The following ATRNL1 variants were observed in gnomAD, a reference collection of about 807,000 sequenced individuals.
ATRNL1 encodes the protein attractin-like protein 1.
A neutral mutation model predicts 182.7 loss-of-function variants in ATRNL1; 95 were observed. The observed-to-expected ratio is 0.52, with a 90% CI of 0.44 to 0.62. The LOEUF (loss-of-function observed/expected upper bound fraction) is 0.62, where lower values mean the gene tolerates loss of function less well. Among genes scored for constraint, ATRNL1 ranks in the 20% least tolerant of loss-of-function variants. The pLI, the probability that ATRNL1 is intolerant of heterozygous loss-of-function variation, is 0.00. For missense variants in ATRNL1, 1,471 were observed against 1,679.5 expected, an observed-to-expected ratio of 0.88 and a Z score of 2.17; for synonymous variants, 576 against 568.3, an observed-to-expected ratio of 1.01 and a Z score of -0.19.
At chr10:115,665,906 AAAT>A (rs1860971537) in intron 26 of ATRNL1, among the ~76,000 whole-genome samples, 1 of 152,156 alleles carries the variant, frequency 6.6e-6, no homozygotes, top group Non-Finnish European at 1.5e-5. Flanking sequence ...CAGACTCATT[AAAT>A]GTTAAGGATT....
chr10:115,490,133 C>T (rs1230937781), intron 24 of ATRNL1, among the ~76,000 whole-genome samples: 1 of 152,114 alleles, frequency 6.6e-6, no homozygotes, highest in Non-Finnish European at 1.5e-5. Context: ...GTAACCCGAC[C>T]TTTCTCTCTG....
intron 25 of ATRNL1, among the ~76,000 whole-genome samples, chr10:115,537,195 T>C (rs1302606243): frequency 2.0e-5 from 3 of 152,332 alleles, no homozygotes; most frequent in African/African-American, 7.2e-5. Flanking sequence ...TGGTACGTTT[T>C]CTTGCAACTT....
intron 3 of ATRNL1, among the ~76,000 whole-genome samples, chr10:115,122,382 A>T (rs1554871928): frequency 2.0e-5 from 3 of 151,764 alleles, no homozygotes; most frequent in Non-Finnish European, 4.4e-5. Flanking sequence ...TTTCTTGTGT[A>T]TGTTTAGATT....
At chr10:115,672,373 T>C (rs1555041680) in intron 26 of ATRNL1, among the ~76,000 whole-genome samples, 1 of 152,110 alleles carries the variant, frequency 6.6e-6, no homozygotes, top group Non-Finnish European at 1.5e-5. Context: ...ATTGTATTCC[T>C]TTTGAAAGAA....
At chr10:115,913,732 G>C (rs1952756386) in intron 28 of ATRNL1, among the ~76,000 whole-genome samples, 1 of 152,170 alleles carries the variant, frequency 6.6e-6, no homozygotes, top group African/African-American at 2.4e-5. Flanking sequence ...GACAATGTCA[G>C]CCTGTGCAGA....
intron 27 of ATRNL1, among the ~76,000 whole-genome samples, chr10:115,743,372 C>G (rs1161669950): frequency 6.6e-6 from 1 of 151,986 alleles, no homozygotes; most frequent in African/African-American, 2.4e-5. Flanking sequence ...CATCCCTGCC[C>G]TTGCCTCTGA....
At chr10:115,914,311 A>G (rs1021979930) in intron 28 of ATRNL1, among the ~76,000 whole-genome samples, 1 of 152,190 alleles carries the variant, frequency 6.6e-6, no homozygotes, top group Non-Finnish European at 1.5e-5. Context: ...CAGGTGGTAT[A>G]TCAGGGAAGA....
rs542530204 is a variant in ATRNL1 at position 115,803,070 on chromosome 10, C to T, written c.3904-44807C>T. Among the ~76,000 whole-genome samples, 64 of 152,258 alleles carry T rather than the reference C, an allele frequency of 4.2e-4. 1 individual carries two copies. The highest frequency in any genetic ancestry group is 3.4e-3 in the Middle Eastern group (1 of 294). On this transcript the variant is annotated intron_variant, in intron 27 of 28. Coordinates refer to ENST00000355044, the MANE Select transcript of ATRNL1 (RefSeq NM_207303.4). Reference sequence around the variant, plus strand: ...TTCTAAAATGCTGCTACTATCAGGACATAATAAAAGCCACACAGCCAGTAC... The same window carrying T: ...TTCTAAAATGCTGCTACTATCAGGATATAATAAAAGCCACACAGCCAGTAC...
At chr10:115,709,035 A>G (rs1459239993) in intron 26 of ATRNL1, among the ~76,000 whole-genome samples, 1 of 151,866 alleles carries the variant, frequency 6.6e-6, no homozygotes, top group Non-Finnish European at 1.5e-5. Flanking sequence ...TGGCATCAGT[A>G]GACTGAATAA....
At chr10:115,192,694 A>T (rs1311341621) in intron 8 of ATRNL1, among the ~76,000 whole-genome samples, 1 of 149,504 alleles carries the variant, frequency 6.7e-6, no homozygotes, top group Non-Finnish European at 1.5e-5. Flanking sequence ...TGGACATTTT[A>T]ACAATATTTT....
chr10:115,469,334 G>C lies in ATRNL1; in HGVS notation c.3654+5G>C. 6.7e-7 allele frequency: 1 copy of C among 1,501,684 alleles called. No individual in the cohort carries two copies. The highest frequency in any genetic ancestry group is 8.9e-7 in the Non-Finnish European group (1 of 1,124,380). The allele number at this position is 1,501,684 out of a possible 1,614,324, so 93.0% of individuals were successfully genotyped here. On this transcript the variant is annotated splice_donor_5th_base_variant and intron_variant, in intron 24 of 28. Transcript: ENST00000355044. ...TCCTGGCCTATTAAAATACAGGTAA[G>C]TGTTAAGAGTATTTACTTCTAATGA... is the stretch of plus-strand genomic sequence containing the variant.
At chr10:115,686,612 C>T (rs540023102) in intron 26 of ATRNL1, among the ~76,000 whole-genome samples, 1 of 151,988 alleles carries the variant, frequency 6.6e-6, no homozygotes, top group African/African-American at 2.4e-5. Flanking sequence ...AATAGGTGCT[C>T]AGTTAGCATT....
chr10:115,932,066 TCTATAGTAG>T (rs1269276223), intron 28 of ATRNL1, among the ~76,000 whole-genome samples: 18 of 152,174 alleles, frequency 1.2e-4, no homozygotes, highest in Admixed American at 6.6e-5. Flanking sequence ...CACTTCTCAA[TCTATAGTAG>T]CTTGGAGGCC....
chr10:115,435,968 C>T (rs914861509), intron 21 of ATRNL1, among the ~76,000 whole-genome samples: 10 of 152,098 alleles, frequency 6.6e-5, no homozygotes, highest in African/African-American at 1.9e-4. Flanking sequence ...GTTATTAATA[C>T]ATAAGTGAAT....
At chr10:115,543,256 C>G (rs1554992601) in intron 25 of ATRNL1, among the ~76,000 whole-genome samples, 1 of 152,180 alleles carries the variant, frequency 6.6e-6, no homozygotes, top group African/African-American at 2.4e-5. Flanking sequence ...CATTCAGCCA[C>G]TGGGCTTTTG....
intron 9 of ATRNL1, among the ~76,000 whole-genome samples, chr10:115,238,179 T>TTAA (rs1299504490): frequency 6.6e-6 from 1 of 152,210 alleles, no homozygotes; most frequent in Non-Finnish European, 1.5e-5. Context: ...ATGTCAATCT[T>TTAA]TGACTTTGTT....
At chr10:115,782,385 A>G (rs1424253430) in intron 27 of ATRNL1, among the ~76,000 whole-genome samples, 1 of 152,332 alleles carries the variant, frequency 6.6e-6, no homozygotes, top group African/African-American at 2.4e-5. Context: ...ACATTATTTT[A>G]TCCCTAATGT....
chr10:115,779,658 A>T (rs1555078796), intron 27 of ATRNL1, among the ~76,000 whole-genome samples: 1 of 152,176 alleles, frequency 6.6e-6, no homozygotes, highest in African/African-American at 2.4e-5. Flanking sequence ...AAATTCTATC[A>T]CTACAACTTA....
chr10:115,621,276 T>TATATATATATATATATATATAG (rs1268020830), intron 26 of ATRNL1, among the ~76,000 whole-genome samples: 8 of 47,580 alleles, frequency 1.7e-4, no homozygotes, highest in African/African-American at 5.2e-4. Context: ...TATATATATA[T>TATATATATATATATATATATAG]AGAGAGAGAG....
Sources: gnomAD v4.1 joint callset for allele counts (sites outside exome capture counted in the v4.1 genomes callset) on GRCh38, gnomAD v4.1.1 for gene constraint, MANE v1.5 for transcripts, NCBI Gene and HGNC (gene_info 2026-07-23, HGNC 2026-07-21) for gene names.